Variants in USP25 observed in about 807,000 individuals in gnomAD.
The protein encoded by USP25 is ubiquitin specific peptidase 25.
A neutral mutation model predicts 158.5 loss-of-function variants in USP25; 85 were observed. That is an observed-to-expected ratio of 0.54 (90% CI 0.45 to 0.64). The LOEUF (loss-of-function observed/expected upper bound fraction) is 0.64, where lower values mean the gene tolerates loss of function less well. Among genes scored for constraint, USP25 ranks in the 30% least tolerant of loss-of-function variants. USP25 has a pLI of 0.00. For synonymous variants in USP25, 464 were observed against 460.4 expected (o/e 1.01, Z -0.10); for missense variants, 1,242 against 1,327.3 (o/e 0.94, Z 1.00).
intron 1 of USP25, among the ~76,000 whole-genome samples, chr21:15,754,693 G>A (rs1469429016): frequency 6.6e-6 from 1 of 152,184 alleles, no homozygotes; most frequent in Non-Finnish European, 1.5e-5. Flanking sequence ...GACAGAGGTA[G>A]GGACTCTAGC....
intron 1 of USP25, among the ~76,000 whole-genome samples, chr21:15,760,420 T>C (rs2033657735): frequency 6.6e-6 from 1 of 152,236 alleles, no homozygotes; most frequent in Non-Finnish European, 1.5e-5. Context: ...CTGCCCATTG[T>C]GTCTTCTAAG....
At chr21:15,854,454 TTTTTTTTA>T (rs1045151470) in intron 20 of USP25, among the ~76,000 whole-genome samples, 8 of 151,986 alleles carry the variant, frequency 5.3e-5, no homozygotes, top group Non-Finnish European at 7.4e-5. Flanking sequence ...GTGTTTTTGT[TTTTTTTTA>T]ATATCTCTTC....
In USP25 at chr21:15,878,510, C is replaced by CTT. The variant is rs746308600; in HGVS notation, c.*39_*40dup. The CTT allele has an allele frequency of 6.3e-7, 1 of 1,582,838 alleles. No homozygotes were observed. Among genetic ancestry groups the CTT allele is most frequent in the South Asian group, 1.2e-5 (1 of 86,512 alleles). On this transcript the variant is annotated 3_prime_UTR_variant, in exon 26 of 26. Coordinates refer to ENST00000400183, the MANE Select transcript of USP25 (RefSeq NM_001283041.3). ...TTTCCCTGAACACACTGTATAAACTCTTTTTAGTTCTTAACCCTTGCCTTC... is the reference window on the plus strand; with the variant it reads ...TTTCCCTGAACACACTGTATAAACTCTTTTTTTAGTTCTTAACCCTTGCCTTC...
chr21:15,836,266 T>A (rs8127570), intron 17 of USP25, among the ~76,000 whole-genome samples: 44,106 of 152,166 alleles, frequency 0.29, 10,683 homozygotes, highest in African/African-American at 0.67. Context: ...GATATTCCAA[T>A]TAAGAGTACT....
intron 1 of USP25, among the ~76,000 whole-genome samples, chr21:15,759,739 A>G (rs2033615249): frequency 6.6e-6 from 1 of 152,166 alleles, no homozygotes; most frequent in African/African-American, 2.4e-5. Context: ...AATGCTGGAG[A>G]GGTATACTGA....
At chr21:15,787,505 A>G (rs2035345515) in intron 4 of USP25, among the ~76,000 whole-genome samples, 1 of 152,126 alleles carries the variant, frequency 6.6e-6, no homozygotes, top group East Asian at 1.9e-4. Context: ...TAAGAAATGT[A>G]CAAGAACTTC....
intron 12 of USP25, among the ~76,000 whole-genome samples, 167 bp downstream of exon 12, chr21:15,825,228 T>TA (rs1468651921): frequency 6.6e-6 from 1 of 152,230 alleles, no homozygotes; most frequent in Non-Finnish European, 1.5e-5. Context: ...TAGTAGACTT[T>TA]AAAAAATTAT....
chr21:15,818,716 C>G lies in USP25; in HGVS notation c.950C>G (p.Thr317Ser). Reference sequence around the variant, plus strand: ...CTTATAGGTAAAAAATTTGAAAACACTGAAATGTTTGGTCAGTACCCACTT... The same window carrying G: ...CTTATAGGTAAAAAATTTGAAAACAGTGAAATGTTTGGTCAGTACCCACTT... ...GVLEGKKFEN[T>S]EMFGQYPLQV... is the part of the protein sequence containing the mutation. The change falls in exon 10 of 26, where the codon ACT (threonine) becomes AGT (serine). Residue 317 changes from threonine (T) to serine (S), a missense_variant. This residue lies in a region of USP25 where 627 missense variants were observed against 701.4 expected (regional missense o/e 0.89). Transcript: ENST00000400183. 1 of 1,607,784 alleles carries G rather than the reference C, an allele frequency of 6.2e-7. No homozygotes were observed. Among genetic ancestry groups the G allele is most frequent in the Non-Finnish European group, 8.5e-7 (1 of 1,176,676 alleles).
At chr21:15,750,871 G>A (rs913032908) in intron 1 of USP25, among the ~76,000 whole-genome samples, 11 of 148,366 alleles carry the variant, frequency 7.4e-5, no homozygotes, top group East Asian at 4.0e-4. Context: ...CTCCGCCTCC[G>A]CCTCCCAAAG....
chr21:15,785,882 C>A (rs943668121), intron 4 of USP25, among the ~76,000 whole-genome samples: 9 of 145,514 alleles, frequency 6.2e-5, no homozygotes, highest in Non-Finnish European at 1.2e-4. Context: ...AGAAGATAAA[C>A]AGAATCAACA....
In USP25 at chr21:15,730,299, C is replaced by T; in HGVS notation, c.-95C>T. The T allele has an allele frequency of 9.9e-7, 1 of 1,007,776 alleles. No homozygotes were observed. The highest frequency in any genetic ancestry group is 1.2e-6 in the Non-Finnish European group (1 of 845,118). The allele number at this position is 1,007,776 out of a possible 1,614,324, so 62.4% of individuals were successfully genotyped here. On this transcript the variant is annotated 5_prime_UTR_variant, in exon 1 of 26. Coordinates refer to ENST00000400183, the MANE Select transcript of USP25 (RefSeq NM_001283041.3). ...CTGTCCTCCCAGGCCGTCCGCGCCG[C>T]TCCCTGGAGCTCGGCGGAGCGCGGC...
intron 3 of USP25, among the ~76,000 whole-genome samples, chr21:15,768,425 G>T (rs1214521852): frequency 6.6e-6 from 1 of 152,166 alleles, no homozygotes; most frequent in South Asian, 2.1e-4. Context: ...TCATAATGCA[G>T]TGTTACTGGT....
Position 15,816,363 on chromosome 21 carries a change from C to T in USP25, c.932-2335C>T, listed in dbSNP as rs543579064. ...GTTTGGGATGTGTCTTTATCAGCAG[C>T]GTGATAATGGACTAATACACTTTCC... On this transcript the variant is annotated intron_variant, in intron 9 of 25. Coordinates refer to ENST00000400183, the MANE Select transcript of USP25 (RefSeq NM_001283041.3). This position sits in a 1 kb window ranked among gnomAD's most constrained non-coding sequence, Gnocchi z 4.0. Among the ~76,000 whole-genome samples the T allele has an allele frequency of 2.6e-5, 4 of 152,258 alleles. No individual in the cohort carries two copies. Among genetic ancestry groups the T allele is most frequent in the South Asian group, 2.1e-4 (1 of 4,832 alleles).
intron 17 of USP25, among the ~76,000 whole-genome samples, chr21:15,839,206 C>T (rs778138779): frequency 2.6e-5 from 4 of 151,944 alleles, no homozygotes; most frequent in Admixed American, 6.6e-5. Context: ...GTTTACCTAC[C>T]GTGACTACAA....
At chr21:15,764,715 G>A (rs79484267) in intron 2 of USP25, among the ~76,000 whole-genome samples, 16,951 of 152,004 alleles carry the variant, frequency 0.11, 987 homozygotes, top group African/African-American at 0.16. Flanking sequence ...TCATTATTGC[G>A]CTTTATTTTA....
chr21:15,774,745 A>G (rs1307004349), intron 3 of USP25, among the ~76,000 whole-genome samples: 1 of 152,210 alleles, frequency 6.6e-6, no homozygotes, highest in East Asian at 1.9e-4. Context: ...TCTTTTCGCC[A>G]AGAACATAAT....
intron 1 of USP25, among the ~76,000 whole-genome samples, chr21:15,754,029 C>G (rs1408268646): frequency 6.6e-6 from 1 of 152,164 alleles, no homozygotes; most frequent in East Asian, 1.9e-4. Flanking sequence ...TTGCAACCCT[C>G]TTGCTGATAC....
intron 7 of USP25, among the ~76,000 whole-genome samples, chr21:15,808,013 T>G (rs2036478369): frequency 6.6e-6 from 1 of 152,224 alleles, no homozygotes; most frequent in Non-Finnish European, 1.5e-5. Context: ...ACATGCTCTT[T>G]AAGAAACTGC....
intron 23 of USP25, 33 bp downstream of exon 23, chr21:15,870,180 T>A: frequency 6.6e-7 from 1 of 1,518,614 alleles, no homozygotes; most frequent in Non-Finnish European, 9.1e-7. Flanking sequence ...GAAAAGAGCA[T>A]AATTTTTGCA....
Sources: allele counts gnomAD v4.1 joint callset (sites outside exome capture counted in the v4.1 genomes callset), GRCh38; gene constraint gnomAD v4.1.1; regional missense constraint gnomAD v4.1.1; non-coding constraint Gnocchi (gnomAD v3.1); transcripts MANE v1.5; gene names NCBI Gene and HGNC (gene_info 2026-07-23, HGNC 2026-07-21).